The following PCDH7 variants were observed in gnomAD, a reference collection of about 807,000 sequenced individuals.
The protein encoded by PCDH7 is protocadherin 7.
In PCDH7, 17 loss-of-function variants were observed where a neutral mutation model predicts 58.9. That is an observed-to-expected ratio of 0.29 (90% CI 0.20 to 0.43). PCDH7 has a LOEUF of 0.43. Ranked by LOEUF, PCDH7 falls within the 20% of genes least tolerant of loss-of-function variation. The pLI, the probability that PCDH7 is intolerant of heterozygous loss-of-function variation, is 1.00. For synonymous variants in PCDH7, 664 were observed against 616.4 expected, an observed-to-expected ratio of 1.08 and a Z score of -1.14; for missense variants, 1,274 against 1,441.0, an observed-to-expected ratio of 0.88 and a Z score of 1.88.
intron 1 of PCDH7, among the ~76,000 whole-genome samples, chr4:30,897,000 G>A (rs1739510504): frequency 7.1e-6 from 1 of 140,058 alleles, no homozygotes; most frequent in African/African-American, 2.7e-5. Context: ...TGCCTCCCGA[G>A]TTCATGCCAT....
intron 3 of PCDH7, among the ~76,000 whole-genome samples, chr4:31,115,501 A>C (rs1716883695): frequency 6.6e-6 from 1 of 152,026 alleles, no homozygotes; most frequent in South Asian, 2.1e-4. Flanking sequence ...TTTTCTGTGG[A>C]TTGTATGATC....
chr4:30,821,909 T>C (rs1352772842), intron 1 of PCDH7, among the ~76,000 whole-genome samples: 1 of 152,170 alleles, frequency 6.6e-6, no homozygotes, highest in African/African-American at 2.4e-5. Context: ...ATAAAATGTG[T>C]ATCCCAGAGG....
At chr4:31,051,852 T>C (rs1304433929) in intron 3 of PCDH7, among the ~76,000 whole-genome samples, 1 of 150,928 alleles carries the variant, frequency 6.6e-6, no homozygotes, top group Admixed American at 6.6e-5. Context: ...GGTAGGGGAA[T>C]TGTTCATGAT....
chr4:31,128,289 G>A (rs1384473032), intron 3 of PCDH7, among the ~76,000 whole-genome samples: 1 of 151,960 alleles, frequency 6.6e-6, no homozygotes, highest in Non-Finnish European at 1.5e-5. Context: ...CAGTTGAAAA[G>A]CACTGATCTA....
chr4:31,120,330 T>C (rs1202995829), intron 3 of PCDH7, among the ~76,000 whole-genome samples: 2 of 151,912 alleles, frequency 1.3e-5, no homozygotes, highest in African/African-American at 4.8e-5. Flanking sequence ...CTTGGTTTTT[T>C]AAATTCTTCT....
intron 1 of PCDH7, among the ~76,000 whole-genome samples, chr4:30,851,374 CA>C (rs1311256077): frequency 1.3e-5 from 2 of 151,824 alleles, no homozygotes; most frequent in Non-Finnish European, 2.9e-5. Context: ...GAATTCCAAC[CA>C]AAGTTTACCA....
intron 1 of PCDH7, among the ~76,000 whole-genome samples, chr4:30,875,921 G>C (rs1390708661): frequency 6.6e-6 from 1 of 152,112 alleles, no homozygotes; most frequent in African/African-American, 2.4e-5. Flanking sequence ...GTGAGATAGA[G>C]TGAAAATTAA....
At chr4:30,896,889 C>CTTTTGT (rs1739469341) in intron 1 of PCDH7, among the ~76,000 whole-genome samples, 1 of 27,338 alleles carries the variant, frequency 3.7e-5, no homozygotes, top group Non-Finnish European at 6.2e-5. Flanking sequence ...TAGTTCTTTG[C>CTTTTGT]TTTTTTTTTT....
intron 3 of PCDH7, among the ~76,000 whole-genome samples, chr4:31,096,041 A>T (rs1713929463): frequency 6.6e-6 from 1 of 152,208 alleles, no homozygotes; most frequent in African/African-American, 2.4e-5. Context: ...TTAACATTTC[A>T]GACCCCTAAT....
chr4:30,943,701 A>G (rs961099015), intron 2 of PCDH7, among the ~76,000 whole-genome samples: 11 of 151,940 alleles, frequency 7.2e-5, no homozygotes, highest in African/African-American at 2.2e-4. Flanking sequence ...CTTTCTTAAA[A>G]CATTATGAGA....
At chr4:31,082,659 G>A (rs892533972) in intron 3 of PCDH7, among the ~76,000 whole-genome samples, 3 of 152,088 alleles carry the variant, frequency 2.0e-5, no homozygotes, top group African/African-American at 7.2e-5. Context: ...ATTATTCTAA[G>A]TGAAGTAACA....
At chr4:30,855,871 A>G (rs1363211961) in intron 1 of PCDH7, among the ~76,000 whole-genome samples, 2 of 152,146 alleles carry the variant, frequency 1.3e-5, no homozygotes, top group Non-Finnish European at 2.9e-5. Flanking sequence ...TTAAATCTAC[A>G]TTGTACTTTA....
At chr4:30,796,703 T>A (rs1724820301) in intron 1 of PCDH7, among the ~76,000 whole-genome samples, 1 of 152,214 alleles carries the variant, frequency 6.6e-6, no homozygotes, top group Non-Finnish European at 1.5e-5. Context: ...AAATTTTAAA[T>A]GTCTTGATTT....
At chr4:31,002,179 A>G (rs950894702) in intron 3 of PCDH7, among the ~76,000 whole-genome samples, 1 of 152,206 alleles carries the variant, frequency 6.6e-6, no homozygotes, top group African/African-American at 2.4e-5. Context: ...GGAAAATATT[A>G]GCCAAAAATG....
At chr4:30,963,032 A>T (rs11941302) in intron 3 of PCDH7, among the ~76,000 whole-genome samples, 93,410 of 151,876 alleles carry the variant, frequency 0.62, 30,001 homozygotes, top group African/African-American at 0.81. Context: ...GGTAAAGTTC[A>T]TTACAGTTGC....
chr4:30,782,363 C>T (rs1057473849), intron 1 of PCDH7, among the ~76,000 whole-genome samples: 6 of 152,166 alleles, frequency 3.9e-5, no homozygotes, highest in African/African-American at 7.2e-5. Flanking sequence ...AATTCTACCA[C>T]TTACCTGTGT....
intron 1 of PCDH7, among the ~76,000 whole-genome samples, chr4:30,816,588 T>C (rs1271165416): frequency 6.6e-6 from 1 of 152,122 alleles, no homozygotes; most frequent in African/African-American, 2.4e-5. Context: ...GAGTAGAGTT[T>C]CATATGTTTA....
At chr4:30,929,042 T>C (rs1262682469) in intron 2 of PCDH7, among the ~76,000 whole-genome samples, 1 of 152,198 alleles carries the variant, frequency 6.6e-6, no homozygotes, top group Non-Finnish European at 1.5e-5. Flanking sequence ...TCTCTGCTTA[T>C]AAACATGGAT....
At chr4:30,959,539 C>T (rs1334779274) in intron 3 of PCDH7, among the ~76,000 whole-genome samples, 1 of 152,044 alleles carries the variant, frequency 6.6e-6, no homozygotes, top group East Asian at 1.9e-4. Flanking sequence ...TTTACTTTGA[C>T]ATGACTATAG....
Sources: gnomAD v4.1 joint callset for allele counts (sites outside exome capture counted in the v4.1 genomes callset) on GRCh38, gnomAD v4.1.1 for gene constraint, MANE v1.5 for transcripts, NCBI Gene and HGNC (gene_info 2026-07-23, HGNC 2026-07-21) for gene names.